MALRD1: variants seen among roughly 807,000 people sequenced by gnomAD.
MALRD1 encodes the protein MAM and LDL-receptor class A domain-containing protein 1.
MALRD1 carries 247 observed loss-of-function variants against 242.1 expected under a neutral mutation model. The ratio of observed to expected loss-of-function variants is 1.02; its 90% CI spans 0.92 to 1.13. The LOEUF (loss-of-function observed/expected upper bound fraction) is 1.13. Ranked by LOEUF, MALRD1 falls within the 50% of genes most tolerant of loss-of-function variation. The pLI is 0.00. For missense variants in MALRD1, 2,989 were observed against 2,533.1 expected, an observed-to-expected ratio of 1.18 and a Z score of -3.86; for synonymous variants, 995 against 866.6, an observed-to-expected ratio of 1.15 and a Z score of -2.60.
intron 12 of MALRD1, among the ~76,000 whole-genome samples, chr10:19,155,858 C>T (rs1352159714): frequency 6.6e-6 from 1 of 152,082 alleles, no homozygotes; most frequent in Non-Finnish European, 1.5e-5. Context: ...ATATTTGGTA[C>T]ATAGTAGGTA....
intron 36 of MALRD1, among the ~76,000 whole-genome samples, chr10:19,617,103 A>G (rs1839193090): frequency 6.6e-6 from 1 of 152,048 alleles, no homozygotes; most frequent in African/African-American, 2.4e-5. Flanking sequence ...TGCTTACAGT[A>G]AAGAGGTTGA....
intron 14 of MALRD1, among the ~76,000 whole-genome samples, chr10:19,183,665 G>A (rs1474879898): frequency 1.3e-5 from 2 of 152,054 alleles, no homozygotes; most frequent in Non-Finnish European, 2.9e-5. Context: ...GGTCTTCAGT[G>A]CCTTGAAATA....
chr10:19,723,917 G>T (rs182767607), intron 38 of MALRD1, among the ~76,000 whole-genome samples: 49 of 150,318 alleles, frequency 3.3e-4, no homozygotes, highest in Admixed American at 1.3e-3. Flanking sequence ...AATTAGCCAG[G>T]TGTGTTGGCA....
chr10:19,450,162 C>A, intron 28 of MALRD1, 145 bp from the exon 29 acceptor site: 2 of 700,126 alleles, frequency 2.9e-6, no homozygotes, highest in Non-Finnish European at 4.5e-6. Flanking sequence ...TTTGTAAGAT[C>A]ACCTTTCACA....
chr10:19,686,850 T>C (rs1416002874), intron 36 of MALRD1, among the ~76,000 whole-genome samples: 1 of 152,146 alleles, frequency 6.6e-6, no homozygotes, highest in Non-Finnish European at 1.5e-5. Flanking sequence ...AGTTTAAACT[T>C]CCAGAGTTCA....
rs575997548 is a variant in MALRD1 at position 19,601,356 on chromosome 10, A to C, written c.5944+5899A>C. ...GTACTTATATTAATAAAGAAGGAAA[A>C]ATATAAAGTAAATGGCTCAGATTAT... is the stretch of plus-strand genomic sequence containing the variant. On this transcript the variant is annotated intron_variant, in intron 34 of 39. Transcript: ENST00000454679. 3.3e-5 allele frequency among the ~76,000 whole-genome samples: 5 copies of C among 152,140 alleles called. No homozygotes were observed. In the South Asian group the frequency reaches 8.3e-4, roughly 25 times the overall value.
intron 14 of MALRD1, among the ~76,000 whole-genome samples, chr10:19,186,768 G>A (rs1162418468): frequency 2.0e-5 from 3 of 151,898 alleles, no homozygotes; most frequent in Non-Finnish European, 2.9e-5. Context: ...AAGTATTACT[G>A]GCTTTCCTTT....
rs878923669 is a variant in MALRD1, at chr10:19,624,553, G to A, written c.6137+8630G>A. On this transcript the variant is annotated intron_variant, in intron 36 of 39. Transcript: ENST00000454679. ...ACCTGTGGAGCAGATAATAGTATGT[G>A]TAATTTAGCAGTTAAGATGAGGAGC... Among the ~76,000 whole-genome samples the A allele has an allele frequency of 3.3e-5, 5 of 152,014 alleles. 1 individual carries two copies. The South Asian group carries it at 1.0e-3, about 31-fold the overall frequency.
At chr10:19,269,319 A>T (rs1031800686) in intron 19 of MALRD1, among the ~76,000 whole-genome samples, 3 of 152,250 alleles carry the variant, frequency 2.0e-5, no homozygotes, top group Non-Finnish European at 4.4e-5. Flanking sequence ...TCTTACAAAA[A>T]GAGGATGAGA....
At chr10:19,522,784 T>C (rs916053281) in intron 31 of MALRD1, among the ~76,000 whole-genome samples, 1 of 152,140 alleles carries the variant, frequency 6.6e-6, no homozygotes, top group Non-Finnish European at 1.5e-5. Context: ...CTTATAAGAA[T>C]CAGTATTTGG....
chr10:19,205,354 T>C, intron 17 of MALRD1, 89 bp downstream of exon 17: 2 of 1,404,624 alleles, frequency 1.4e-6, no homozygotes, highest in Non-Finnish European at 1.9e-6. Context: ...ATCAAACCGA[T>C]AACAGTAAGC....
At chr10:19,490,012 A>G (rs1317262531) in intron 29 of MALRD1, among the ~76,000 whole-genome samples, 1 of 152,190 alleles carries the variant, frequency 6.6e-6, no homozygotes, top group Admixed American at 6.5e-5. Context: ...GCTTATCAAC[A>G]TGTGAAGATA....
At chr10:19,506,298 G>A (rs1020653775) in intron 31 of MALRD1, among the ~76,000 whole-genome samples, 2 of 152,082 alleles carry the variant, frequency 1.3e-5, no homozygotes, top group African/African-American at 2.4e-5. Context: ...TCATGAAAGA[G>A]AAAGTAGAGG....
chr10:19,372,137 G>A (rs1030022839), intron 26 of MALRD1, among the ~76,000 whole-genome samples: 1 of 150,208 alleles, frequency 6.7e-6, no homozygotes, highest in Non-Finnish European at 1.5e-5. Context: ...AATAATAGTT[G>A]TATGAGAACT....
At chr10:19,681,120 T>C (rs1340931186) in intron 36 of MALRD1, among the ~76,000 whole-genome samples, 1 of 152,156 alleles carries the variant, frequency 6.6e-6, no homozygotes, top group East Asian at 1.9e-4. Flanking sequence ...ATTATGTGTC[T>C]TGGGGTTGGT....
intron 31 of MALRD1, among the ~76,000 whole-genome samples, chr10:19,511,635 A>C (rs921116122): frequency 6.6e-6 from 1 of 152,224 alleles, no homozygotes; most frequent in African/African-American, 2.4e-5. Flanking sequence ...AACCCTATAG[A>C]AGAATCAAAC....
chr10:19,672,773 A>G (rs1197205868), intron 36 of MALRD1, among the ~76,000 whole-genome samples: 2 of 152,228 alleles, frequency 1.3e-5, no homozygotes, highest in East Asian at 3.9e-4. Context: ...TTTTTAAAAG[A>G]GTACATATAA....
intron 24 of MALRD1, among the ~76,000 whole-genome samples, chr10:19,340,493 A>G (rs1364490479): frequency 1.4e-4 from 21 of 152,002 alleles, no homozygotes; most frequent in Admixed American, 1.4e-3. Flanking sequence ...AATAGGAGGA[A>G]AAGGGCACAA....
chr10:19,636,665 G>A (rs1426109172), intron 36 of MALRD1, among the ~76,000 whole-genome samples: 5 of 152,160 alleles, frequency 3.3e-5, no homozygotes, highest in East Asian at 1.9e-4. Context: ...TTGGAAGGCC[G>A]TGGCGAGTGG....
Sources: allele counts gnomAD v4.1 joint callset (sites outside exome capture counted in the v4.1 genomes callset), GRCh38; gene constraint gnomAD v4.1.1; transcripts MANE v1.5; gene names NCBI Gene and HGNC (gene_info 2026-07-23, HGNC 2026-07-21).